TBCK: variants seen among roughly 807,000 people sequenced by gnomAD.
The protein encoded by TBCK is TBC domain-containing protein kinase-like protein.
TBCK carries 99 observed loss-of-function variants against 113.4 expected under a neutral mutation model. That is an observed-to-expected ratio of 0.87 (90% CI 0.74 to 1.03). TBCK has a LOEUF of 1.03. Among genes scored for constraint, TBCK ranks in the 50% least tolerant of loss-of-function variants. The pLI is 0.00. For missense variants in TBCK, 1,045 were observed against 1,061.3 expected (o/e 0.98, Z 0.21); for synonymous variants, 369 against 370.8 (o/e 1.00, Z 0.05).
chr4:106,294,697 G>A (rs567233129), intron 3 of TBCK, among the ~76,000 whole-genome samples: 1 of 152,018 alleles, frequency 6.6e-6, no homozygotes, highest in African/African-American at 2.4e-5. Context: ...TAGCCAGGAT[G>A]GTCTCGATCT....
intron 25 of TBCK, among the ~76,000 whole-genome samples, chr4:106,056,727 T>TATC (rs1226594145): frequency 2.6e-5 from 4 of 151,672 alleles, no homozygotes; most frequent in Non-Finnish European, 4.4e-5. Context: ...CTTCAGTCAG[T>TATC]ATCATACAGA....
At chr4:106,132,992 T>G (rs1746134385) in intron 23 of TBCK, among the ~76,000 whole-genome samples, 1 of 152,216 alleles carries the variant, frequency 6.6e-6, no homozygotes, top group African/African-American at 2.4e-5. Flanking sequence ...AGGACTTGCC[T>G]TGTCTCAGAT....
rs1428815711 is a variant in TBCK at position 106,193,831 on chromosome 4, AACTT to A, written c.1898-65_1898-62del. ...CCAAAATAACAATTAAAACAATAAC[AACTT>A]ACTTTACTAGTTCTATAATTATTAC... is the stretch of plus-strand genomic sequence containing the variant. On this transcript the variant is annotated intron_variant, in intron 21 of 25. Transcript: ENST00000394708. 4 of 1,118,270 alleles carry A rather than the reference AACTT, an allele frequency of 3.6e-6. No homozygotes were observed. In the African/African-American group the frequency reaches 6.4e-5, roughly 18 times the overall value. The allele number at this position is 1,118,270 out of a possible 1,614,324, so 69.3% of individuals were successfully genotyped here.
intron 3 of TBCK, among the ~76,000 whole-genome samples, chr4:106,263,040 A>G (rs1020504245): frequency 2.0e-5 from 3 of 151,998 alleles, no homozygotes; most frequent in Non-Finnish European, 4.4e-5. Flanking sequence ...GAAAAGTTCA[A>G]ATCTCAGAGC....
In TBCK at chr4:106,074,678, G is replaced by A. The variant is rs187353411; in HGVS notation, c.2571+20804C>T. 2.6e-5 allele frequency among the ~76,000 whole-genome samples: 4 copies of A among 152,214 alleles called. No individual in the cohort carries two copies. In the East Asian group the frequency reaches 7.7e-4, roughly 29 times the overall value. On this transcript the variant is annotated intron_variant, in intron 25 of 25. Transcript: ENST00000394708. ...AAATTAGCCCTAAGAATAAACTGAG[G>A]GGGGCTCACTTATAAAGACATTAAT...
At chr4:106,229,982 G>C (rs555295362) in intron 19 of TBCK, among the ~76,000 whole-genome samples, 4 of 151,862 alleles carry the variant, frequency 2.6e-5, no homozygotes, top group Non-Finnish European at 5.9e-5. Flanking sequence ...TGAGATAAAT[G>C]TAAAGTATTT....
chr4:106,276,020 T>C (rs970357497), intron 3 of TBCK, among the ~76,000 whole-genome samples: 1 of 152,156 alleles, frequency 6.6e-6, no homozygotes, highest in East Asian at 1.9e-4. Flanking sequence ...GAAGATTTAC[T>C]ATAAAGCTAT....
chr4:106,299,280 T>C (rs1766661702), intron 2 of TBCK, among the ~76,000 whole-genome samples: 1 of 152,244 alleles, frequency 6.6e-6, no homozygotes, highest in Non-Finnish European at 1.5e-5. Context: ...AACAGAGCCC[T>C]GTCCTGTGTA....
chr4:106,070,571 G>A (rs1252736661), intron 25 of TBCK, among the ~76,000 whole-genome samples: 1 of 151,992 alleles, frequency 6.6e-6, no homozygotes, highest in Non-Finnish European at 1.5e-5. Flanking sequence ...TTTCGCATGG[G>A]TGTTCATCAT....
chr4:106,248,130 T>A (rs1761036066), intron 9 of TBCK, 115 bp downstream of exon 9: 1 of 546,452 alleles, frequency 1.8e-6, no homozygotes, highest in Admixed American at 3.8e-5. Flanking sequence ...TGATGTCAAT[T>A]ATATACTACT....
At chr4:106,296,001 G>C (rs1353462067) in intron 2 of TBCK, among the ~76,000 whole-genome samples, 1 of 152,108 alleles carries the variant, frequency 6.6e-6, no homozygotes, top group Non-Finnish European at 1.5e-5. Flanking sequence ...TGTTGTTCAA[G>C]GGTCAACTGA....
intron 20 of TBCK, among the ~76,000 whole-genome samples, chr4:106,207,435 G>A (rs1037512337): frequency 2.0e-5 from 3 of 152,158 alleles, no homozygotes; most frequent in Admixed American, 1.3e-4. Flanking sequence ...TTTACTTGAT[G>A]AATCTAGCTT....
At chr4:106,072,924 C>T (rs527815664) in intron 25 of TBCK, among the ~76,000 whole-genome samples, 7 of 152,170 alleles carry the variant, frequency 4.6e-5, no homozygotes, top group African/African-American at 1.4e-4. Flanking sequence ...ACATAGCTCT[C>T]GTGCCATGGT....
intron 1 of TBCK, among the ~76,000 whole-genome samples, chr4:106,314,719 G>A (rs541532606): frequency 1.4e-5 from 2 of 142,694 alleles, no homozygotes; most frequent in Admixed American, 7.6e-5. Context: ...TCCACCTCCC[G>A]GGTTCAAGCG....
In TBCK at chr4:106,278,283, C is replaced by T. The variant is rs186077720; in HGVS notation, c.267-16071G>A. On this transcript the variant is annotated intron_variant, in intron 3 of 25. Coordinates refer to ENST00000394708, the MANE Select transcript of TBCK (RefSeq NM_001163435.3). ...AGAAATAAAGAGTTCATGGGCTGGG[C>T]GCGGCACCTCATGCCTGTAATCCTA... Among the ~76,000 whole-genome samples the T allele has an allele frequency of 5.0e-3, 768 of 152,100 alleles. 4 individuals carry two copies. Among genetic ancestry groups the T allele is most frequent in the African/African-American group, 0.018 (732 of 41,500 alleles).
At chr4:106,219,856 A>C (rs1757467211) in intron 19 of TBCK, among the ~76,000 whole-genome samples, 2 of 152,208 alleles carry the variant, frequency 1.3e-5, no homozygotes, top group South Asian at 4.1e-4. Flanking sequence ...TGACAATAAC[A>C]TCATAAAACT....
chr4:106,200,431 T>C (rs1447009223), intron 20 of TBCK, among the ~76,000 whole-genome samples: 4 of 152,046 alleles, frequency 2.6e-5, no homozygotes, highest in East Asian at 1.9e-4. Flanking sequence ...TCCCAGCTAC[T>C]TGGGAGGCTG....
At chr4:106,277,303 CAT>C (rs1233472821) in intron 3 of TBCK, among the ~76,000 whole-genome samples, 2 of 152,080 alleles carry the variant, frequency 1.3e-5, no homozygotes, top group African/African-American at 2.4e-5. Context: ...TAGTCATACA[CAT>C]GATTAATATC....
chr4:106,042,625 A>C lies in TBCK; in HGVS notation c.*3945T>G. 1 of 152,160 alleles carries C rather than the reference A, an allele frequency of 6.6e-6. No homozygotes were observed. Among genetic ancestry groups the C allele is most frequent in the East Asian group, 1.9e-4 (1 of 5,198 alleles). The allele number at this position is 152,160 out of a possible 1,614,324, so 9.4% of individuals were successfully genotyped here. ...CTGCCTGCCTCGGCCTCCCAAAGTG[A>C]ATAAGATTCTTTTGAGATGCTATAG... On this transcript the variant is annotated 3_prime_UTR_variant, in exon 26 of 26. Coordinates refer to ENST00000394708, the MANE Select transcript of TBCK (RefSeq NM_001163435.3).
Sources: allele counts gnomAD v4.1 joint callset (sites outside exome capture counted in the v4.1 genomes callset), GRCh38; gene constraint gnomAD v4.1.1; transcripts MANE v1.5; gene names NCBI Gene and HGNC (gene_info 2026-07-23, HGNC 2026-07-21).